Variants in LINGO1 observed in about 807,000 individuals in gnomAD.
LINGO1 encodes leucine rich repeat and Ig domain containing 1, also known as leucine-rich repeat and immunoglobulin-like domain-containing nogo receptor-interacting protein 1.
LINGO1 carries 11 observed loss-of-function variants against 37.3 expected under a neutral mutation model. The ratio of observed to expected loss-of-function variants is 0.29; its 90% CI spans 0.19 to 0.49. The LOEUF (loss-of-function observed/expected upper bound fraction) is 0.49. Ranked by LOEUF, LINGO1 falls within the 20% of genes least tolerant of loss-of-function variation. The pLI is 0.99. For synonymous variants in LINGO1, 387 were observed against 403.0 expected (o/e 0.96, Z 0.48); for missense variants, 585 against 878.2 (o/e 0.67, Z 4.22).
chr15:77,720,364 G>A (rs953164605), intron 2 of LINGO1, among the ~76,000 whole-genome samples: 5 of 152,202 alleles, frequency 3.3e-5, no homozygotes, highest in South Asian at 2.1e-4. Context: ...CCAGGTCCAC[G>A]CACCTGCCCC....
intron 1 of LINGO1, among the ~76,000 whole-genome samples, chr15:77,809,824 C>T (rs2076988596): frequency 6.6e-6 from 1 of 152,322 alleles, no homozygotes; most frequent in South Asian, 2.1e-4. Flanking sequence ...TGGCAACATG[C>T]CCCTGTCTCA....
chr15:77,681,971 A>G (rs1016657187), intron 2 of LINGO1, among the ~76,000 whole-genome samples: 1 of 152,078 alleles, frequency 6.6e-6, no homozygotes, highest in African/African-American at 2.4e-5. Flanking sequence ...GGTTTCCAGG[A>G]TGGGGAAGCT....
intron 1 of LINGO1, among the ~76,000 whole-genome samples, chr15:77,623,659 G>T (rs2073993068): frequency 6.6e-6 from 1 of 152,116 alleles, no homozygotes; most frequent in African/African-American, 2.4e-5. Flanking sequence ...CCCGGGGGTT[G>T]GTCCGCCCCG....
chr15:77,781,859 G>A (rs6495248), intron 1 of LINGO1, among the ~76,000 whole-genome samples: 2,528 of 152,280 alleles, frequency 0.017, 63 homozygotes, highest in African/African-American at 0.057. Context: ...CAGGGCCCCC[G>A]GCCAGAGCTG....
At chr15:77,752,744 G>A (rs898678905) in intron 1 of LINGO1, among the ~76,000 whole-genome samples, 2 of 152,272 alleles carry the variant, frequency 1.3e-5, no homozygotes, top group South Asian at 4.1e-4. Flanking sequence ...GTGTCCCTGT[G>A]CTGGTCAGCC....
At chr15:77,619,702 T>TA (rs571149010) in intron 1 of LINGO1, among the ~76,000 whole-genome samples, 4 of 147,114 alleles carry the variant, frequency 2.7e-5, no homozygotes, top group East Asian at 2.0e-4. Context: ...AAACAATAAA[T>TA]AAATAAAATA....
At chr15:77,728,595 C>T (rs1238372818) in intron 2 of LINGO1, among the ~76,000 whole-genome samples, 1 of 152,238 alleles carries the variant, frequency 6.6e-6, no homozygotes, top group Non-Finnish European at 1.5e-5. Context: ...TCCACTCCCT[C>T]CTAGCTGTGT....
chr15:77,748,898 T>G (rs1405836470), intron 1 of LINGO1, among the ~76,000 whole-genome samples: 1 of 130,626 alleles, frequency 7.7e-6, no homozygotes, highest in Admixed American at 8.8e-5. Context: ...TTATTTTCCT[T>G]CCTTCCTTCT....
chr15:77,797,241 A>C (rs1567589956), intron 1 of LINGO1, among the ~76,000 whole-genome samples: 1 of 152,020 alleles, frequency 6.6e-6, no homozygotes, highest in Non-Finnish European at 1.5e-5. Context: ...AGTTTCTTCA[A>C]CCTCTCAGAC....
intron 1 of LINGO1, among the ~76,000 whole-genome samples, chr15:77,628,782 G>A (rs2074168325): frequency 6.6e-6 from 1 of 152,154 alleles, no homozygotes; most frequent in African/African-American, 2.4e-5. Context: ...CCAGCCCAGA[G>A]GTCAGGAAGA....
At chr15:77,754,128 G>A (rs1167854242) in intron 1 of LINGO1, among the ~76,000 whole-genome samples, 1 of 151,926 alleles carries the variant, frequency 6.6e-6, no homozygotes, top group African/African-American at 2.4e-5. Context: ...GGAAGGAAAG[G>A]GGGAAAAGGG....
chr15:77,697,222 A>G (rs2075708003), upstream of LINGO1, among the ~76,000 whole-genome samples: 1 of 152,226 alleles, frequency 6.6e-6, no homozygotes, highest in Admixed American at 6.5e-5. Context: ...CGGGGGCAGA[A>G]CTGACCTGTA....
At chr15:77,742,525 C>T (rs2076274515) in intron 1 of LINGO1, among the ~76,000 whole-genome samples, 2 of 152,200 alleles carry the variant, frequency 1.3e-5, no homozygotes, top group Non-Finnish European at 2.9e-5. Flanking sequence ...CTGGTGGAGG[C>T]ATAATTTGAA....
chr15:77,636,003 A>G (rs1447066935), upstream of LINGO1, among the ~76,000 whole-genome samples: 1 of 152,234 alleles, frequency 6.6e-6, no homozygotes, highest in Non-Finnish European at 1.5e-5. Context: ...TTCAGCCCTT[A>G]CTATAAGCCA....
chr15:77,658,469 G>A (rs2074916014), intron 3 of LINGO1, among the ~76,000 whole-genome samples: 1 of 152,234 alleles, frequency 6.6e-6, no homozygotes, highest in African/African-American at 2.4e-5. Flanking sequence ...GGGCAAGGGG[G>A]ACTCAGTGCT....
rs1416128202 is a variant in LINGO1, at chr15:77,632,246, G to A, written c.6+64C>T. The A allele has an allele frequency of 1.5e-6, 2 of 1,317,030 alleles. No homozygotes were observed. Among genetic ancestry groups the A allele is most frequent in the South Asian group, 2.1e-5 (1 of 47,778 alleles). 81.6% of individuals were successfully genotyped at this position (1,317,030 alleles called of 1,614,324 possible). A position where few individuals can be genotyped will look rare whatever the true frequency, so the allele number is the denominator to read the frequency against. On this transcript the variant is annotated intron_variant, in intron 1 of 1. Coordinates refer to ENST00000355300, the MANE Select transcript of LINGO1 (RefSeq NM_032808.7). This position sits in a 1 kb window ranked among gnomAD's most constrained non-coding sequence, Gnocchi z 6.0. Reference sequence around the variant, plus strand: ...GGAGGGCGCAGCCAGGGCCGATGGCGGCCCCCAGGGGCACTCGCCGCGGGG... The same window carrying A: ...GGAGGGCGCAGCCAGGGCCGATGGCAGCCCCCAGGGGCACTCGCCGCGGGG...
chr15:77,706,128 T>A (rs892219965), intron 2 of LINGO1, among the ~76,000 whole-genome samples: 1 of 152,206 alleles, frequency 6.6e-6, no homozygotes, highest in African/African-American at 2.4e-5. Context: ...CTCCCCTTGA[T>A]GTCCCATAAA....
rs748472533 is a variant in LINGO1, at chr15:77,615,778, C to T, written c.129G>A (p.Pro43=). The T allele has an allele frequency of 5.7e-5, 90 of 1,571,056 alleles. No homozygotes were observed. The highest frequency in any genetic ancestry group is 2.4e-4 in the South Asian group (21 of 86,544). The change falls in exon 2 of 2, where the codon CCG becomes CCA. Residue 43 remains proline, a synonymous_variant. Coordinates refer to ENST00000355300, the MANE Select transcript of LINGO1 (RefSeq NM_032808.7). ...CCTGGGCGGAGCACTCGCAGCGGGGCGGGCAGCCCGTGGCCGAGCCTGACA... is the reference window on the plus strand; with the variant it reads ...CCTGGGCGGAGCACTCGCAGCGGGGTGGGCAGCCCGTGGCCGAGCCTGACA... ...SVLSGSATGC[P]PRCECSAQDR... is the part of the protein sequence containing the mutation.
chr15:77,626,513 G>C (rs1236263068), intron 1 of LINGO1, among the ~76,000 whole-genome samples: 1 of 152,216 alleles, frequency 6.6e-6, no homozygotes, highest in African/African-American at 2.4e-5. Flanking sequence ...AGGAGGTGAT[G>C]GAGCCTCCAG....
Sources: allele counts gnomAD v4.1 joint callset (sites outside exome capture counted in the v4.1 genomes callset), GRCh38; gene constraint gnomAD v4.1.1; non-coding constraint Gnocchi (gnomAD v3.1); transcripts MANE v1.5; gene names NCBI Gene and HGNC (gene_info 2026-07-23, HGNC 2026-07-21).